The following PCOLCE2 variants were observed in gnomAD, a reference collection of about 807,000 sequenced individuals.
PCOLCE2 encodes procollagen C-proteinase enhancer 2.
A neutral mutation model predicts 47.0 loss-of-function variants in PCOLCE2; 42 were observed. That is an observed-to-expected ratio of 0.89 (90% confidence interval 0.70 to 1.16). The LOEUF (loss-of-function observed/expected upper bound fraction) is 1.16. Ranked by LOEUF, PCOLCE2 falls within the 50% of genes most tolerant of loss-of-function variation. The pLI is 0.00. For synonymous variants in PCOLCE2, 169 were observed against 191.7 expected, an observed-to-expected ratio of 0.88 and a Z score of 0.98; for missense variants, 500 against 526.1, an observed-to-expected ratio of 0.95 and a Z score of 0.49.
chr3:142,851,205 GA>G (rs912980957), intron 2 of PCOLCE2, among the ~76,000 whole-genome samples: 4 of 152,248 alleles, frequency 2.6e-5, no homozygotes, highest in African/African-American at 9.6e-5. Context: ...AGAAAGTGAG[GA>G]AATGGATTAA....
At chr3:142,863,339 C>A (rs946096100) in intron 2 of PCOLCE2, among the ~76,000 whole-genome samples, 1 of 152,198 alleles carries the variant, frequency 6.6e-6, no homozygotes, top group Admixed American at 6.5e-5. Flanking sequence ...AGAAGTAGGG[C>A]AGAGGGACAG....
At chr3:142,867,179 G>T (rs1045125788) in intron 2 of PCOLCE2, among the ~76,000 whole-genome samples, 52 of 152,148 alleles carry the variant, frequency 3.4e-4, no homozygotes, top group African/African-American at 1.2e-3. Context: ...ATATGTGGCA[G>T]TTAGACCTCC....
chr3:142,870,749 A>G (rs544316281), intron 2 of PCOLCE2, among the ~76,000 whole-genome samples: 1 of 147,280 alleles, frequency 6.8e-6, no homozygotes. Context: ...TCTTCTTCTC[A>G]AAACCTAAGT....
intron 6 of PCOLCE2, among the ~76,000 whole-genome samples, chr3:142,823,816 C>G (rs536955283): frequency 1.3e-5 from 2 of 152,172 alleles, no homozygotes; most frequent in Non-Finnish European, 2.9e-5. Flanking sequence ...CAACTCAATA[C>G]CCTCTATTGA....
At chr3:142,833,751 G>C (rs1367744880) in intron 5 of PCOLCE2, among the ~76,000 whole-genome samples, 4 of 152,026 alleles carry the variant, frequency 2.6e-5, no homozygotes, top group African/African-American at 9.7e-5. Context: ...GCCTTTTCAT[G>C]TCTTTTACCC....
intron 4 of PCOLCE2, among the ~76,000 whole-genome samples, chr3:142,841,915 A>ATG (rs1937267400): frequency 6.6e-6 from 1 of 152,212 alleles, no homozygotes; most frequent in South Asian, 2.1e-4. Flanking sequence ...AGTAGATTTC[A>ATG]TGTGTTTCTA....
intron 7 of PCOLCE2, 70 bp downstream of exon 7, chr3:142,823,462 T>C (rs1239909504): frequency 1.1e-6 from 1 of 894,362 alleles, no homozygotes; most frequent in Non-Finnish European, 1.8e-6. Context: ...TTCATAGGAA[T>C]TCCTTTGAGA....
At chr3:142,872,641 C>A (rs1933413187) in intron 2 of PCOLCE2, among the ~76,000 whole-genome samples, 4 of 152,190 alleles carry the variant, frequency 2.6e-5, no homozygotes, top group African/African-American at 2.4e-5. Flanking sequence ...GCATCCATAA[C>A]AGGTGTTCCA....
intron 2 of PCOLCE2, among the ~76,000 whole-genome samples, chr3:142,883,784 T>A: frequency 6.6e-6 from 1 of 152,094 alleles, no homozygotes; most frequent in East Asian, 1.9e-4. Context: ...GAACAAGTTA[T>A]GAATGAAAAT....
intron 7 of PCOLCE2, 122 bp downstream of exon 7, chr3:142,823,410 T>G: frequency 3.2e-6 from 2 of 626,300 alleles, no homozygotes; most frequent in Non-Finnish European, 2.9e-6. Context: ...GGCAAGTATT[T>G]TCTTGGATAA....
intron 2 of PCOLCE2, among the ~76,000 whole-genome samples, chr3:142,860,046 TTATTA>T (rs1335122354): frequency 3.3e-5 from 5 of 151,630 alleles, no homozygotes; most frequent in Admixed American, 2.0e-4. Flanking sequence ...TTAAATCCAA[TTATTA>T]TATTAAAAAG....
intron 8 of PCOLCE2, among the ~76,000 whole-genome samples, chr3:142,819,779 G>A (rs1397666074): frequency 6.6e-6 from 1 of 152,006 alleles, no homozygotes; most frequent in African/African-American, 2.4e-5. Context: ...ACGAGTAGCT[G>A]GGACCACAGG....
intron 2 of PCOLCE2, chr3:142,864,176 G>A (rs185206133): frequency 6.6e-6 from 1 of 152,278 alleles, no homozygotes; most frequent in Admixed American, 6.5e-5. Flanking sequence ...TGGCGACCTG[G>A]TATACTGCAA....
At chr3:142,861,990 AC>A (rs1933190647) in intron 2 of PCOLCE2, among the ~76,000 whole-genome samples, 1 of 152,108 alleles carries the variant, frequency 6.6e-6, no homozygotes, top group Non-Finnish European at 1.5e-5. Context: ...CCGGGGTCTC[AC>A]CATTCTAGTA....
At chr3:142,857,728 A>G (rs1933092734) in intron 2 of PCOLCE2, among the ~76,000 whole-genome samples, 1 of 152,204 alleles carries the variant, frequency 6.6e-6, no homozygotes, top group Admixed American at 6.5e-5. Flanking sequence ...CTAATGTTTG[A>G]AGCTGCCTTG....
chr3:142,844,518 GA>G (rs1937302562), intron 3 of PCOLCE2, among the ~76,000 whole-genome samples: 1 of 152,130 alleles, frequency 6.6e-6, no homozygotes, highest in Admixed American at 6.5e-5. Context: ...CACCTCTCTC[GA>G]GTATGAACAC....
intron 2 of PCOLCE2, among the ~76,000 whole-genome samples, chr3:142,848,745 G>A (rs1420817089): frequency 6.6e-6 from 1 of 152,154 alleles, no homozygotes; most frequent in Non-Finnish European, 1.5e-5. Flanking sequence ...TATTAGGTCA[G>A]TATTATTAAT....
At chr3:142,827,782 A>T in intron 6 of PCOLCE2, 1 of 617,734 alleles carries the variant, frequency 1.6e-6, no homozygotes, top group Non-Finnish European at 2.9e-6. Flanking sequence ...GGACCCGTGT[A>T]CCCCTACGCA....
chr3:142,823,873 T>G (rs1438331388), intron 6 of PCOLCE2, among the ~76,000 whole-genome samples: 3 of 152,226 alleles, frequency 2.0e-5, no homozygotes, highest in African/African-American at 7.2e-5. Flanking sequence ...CCCTGTTCTC[T>G]TCTTCCTTTA....
Sources: allele counts gnomAD v4.1 joint callset (sites outside exome capture counted in the v4.1 genomes callset), GRCh38; gene constraint gnomAD v4.1.1; transcripts MANE v1.5; gene names NCBI Gene and HGNC (gene_info 2026-07-23, HGNC 2026-07-21).